The following USP25 variants were observed in gnomAD, a reference collection of about 807,000 sequenced individuals.
USP25 encodes the protein ubiquitin specific peptidase 25.
In USP25, 85 loss-of-function variants were observed where a neutral mutation model predicts 158.5. That is an observed-to-expected ratio of 0.54 (90% CI 0.45 to 0.64). USP25 has a LOEUF of 0.64. USP25 is among the 30% of genes least tolerant of loss of function. The probability of loss-of-function intolerance (pLI) is 0.00; values close to 1 mark genes in which losing one functional copy is unlikely to be tolerated. For synonymous variants in USP25, 464 were observed against 460.4 expected, an observed-to-expected ratio of 1.01 and a Z score of -0.10; for missense variants, 1,242 against 1,327.3, an observed-to-expected ratio of 0.94 and a Z score of 1.00.
intron 1 of USP25, among the ~76,000 whole-genome samples, chr21:15,753,701 A>AG (rs1412107278): frequency 6.9e-6 from 1 of 145,638 alleles, no homozygotes; most frequent in Non-Finnish European, 1.5e-5. Context: ...CCTGTATGAG[A>AG]GGGAAAAAAA....
At chr21:15,819,011 A>T (rs573292225) in intron 10 of USP25, among the ~76,000 whole-genome samples, 165 bp downstream of exon 10, 1 of 152,222 alleles carries the variant, frequency 6.6e-6, no homozygotes, top group Non-Finnish European at 1.5e-5. Flanking sequence ...AGACCTGTCC[A>T]GTCAATATGG....
chr21:15,746,476 C>A (rs1026379908), intron 1 of USP25, among the ~76,000 whole-genome samples: 1 of 152,026 alleles, frequency 6.6e-6, no homozygotes, highest in Non-Finnish European at 1.5e-5. Context: ...TTCACTGCAA[C>A]CGCCGCCTCC....
chr21:15,837,471 G>A (rs954473521), intron 17 of USP25, among the ~76,000 whole-genome samples: 1 of 152,130 alleles, frequency 6.6e-6, no homozygotes, highest in Admixed American at 6.5e-5. Context: ...CCTACCTAAG[G>A]CCACTTAAGA....
intron 10 of USP25, among the ~76,000 whole-genome samples, chr21:15,821,833 T>C (rs1273612674): frequency 1.3e-5 from 2 of 151,942 alleles, no homozygotes; most frequent in African/African-American, 2.4e-5. Flanking sequence ...AGGTATCTTA[T>C]ACACTTTAAT....
At chr21:15,811,246 G>A (rs2036646483) in intron 9 of USP25, 36 bp downstream of exon 9, 3 of 1,532,580 alleles carry the variant, frequency 2.0e-6, no homozygotes, top group Admixed American at 3.8e-5. Context: ...TGCAAGTGAA[G>A]AGAGATTATT....
At position 15,847,752 on chromosome 21, in the gene USP25, A is replaced by G. The variant is rs1401293622; in HGVS notation, c.2427A>G (p.Ser809=). The change falls in exon 19 of 26, where the codon TCA becomes TCG. Residue 809 remains serine (S), a synonymous_variant. Coordinates refer to ENST00000400183, the MANE Select transcript of USP25 (RefSeq NM_001283041.3). ...ATGTAGGGAAATTTATGATTGAATC[A>G]AAGGAGGGGGGGTATGATGACGAGG... ...IPHVGKFMIE[S]KEGGYDDEIM... 5.2e-6 allele frequency: 8 copies of G among 1,549,876 alleles called. No individual in the cohort carries two copies. The highest frequency in any genetic ancestry group is 6.1e-6 in the Non-Finnish European group (7 of 1,146,348).
At chr21:15,820,097 T>C (rs1299082075) in intron 10 of USP25, among the ~76,000 whole-genome samples, 1 of 152,050 alleles carries the variant, frequency 6.6e-6, no homozygotes, top group East Asian at 1.9e-4. Context: ...AAATTCAGCT[T>C]ATTTTATTGA....
intron 20 of USP25, among the ~76,000 whole-genome samples, chr21:15,857,075 A>G (rs565567646): frequency 6.6e-6 from 1 of 152,342 alleles, no homozygotes; most frequent in South Asian, 2.1e-4. Flanking sequence ...CCATAGTCCT[A>G]GGTTTAAATC....
chr21:15,814,022 G>A lies in USP25; in HGVS notation c.931+2812G>A, dbSNP rs544768971. Among the ~76,000 whole-genome samples the A allele has an allele frequency of 4.0e-5, 6 of 151,232 alleles. No homozygotes were observed. The South Asian group carries it at 8.4e-4, about 21-fold the overall frequency. ...TGAATTATGGGGGCTGGTCTTTCTC[G>A]TGCTATTCTTATGATAATGAATAAG... On this transcript the variant is annotated intron_variant, in intron 9 of 25. Coordinates refer to ENST00000400183, the MANE Select transcript of USP25 (RefSeq NM_001283041.3).
chr21:15,815,710 G>C (rs2036904252), intron 9 of USP25, among the ~76,000 whole-genome samples: 1 of 152,144 alleles, frequency 6.6e-6, no homozygotes, highest in African/African-American at 2.4e-5. Flanking sequence ...TACTCCAATT[G>C]TAACTCTTCT....
At chr21:15,764,193 TTTA>T (rs1406422249) in intron 2 of USP25, among the ~76,000 whole-genome samples, 1 of 152,148 alleles carries the variant, frequency 6.6e-6, no homozygotes, top group Middle Eastern at 3.2e-3. Flanking sequence ...CTAGTCCCTT[TTTA>T]TTCTGATAAA....
At chr21:15,756,226 G>C (rs187586497) in intron 1 of USP25, among the ~76,000 whole-genome samples, 1 of 152,046 alleles carries the variant, frequency 6.6e-6, no homozygotes, top group African/African-American at 2.4e-5. Flanking sequence ...AGACAATTTC[G>C]TTCCTTCTGG....
At chr21:15,842,683 A>G in intron 18 of USP25, 143 bp downstream of exon 18, 1 of 933,368 alleles carries the variant, frequency 1.1e-6, no homozygotes. Context: ...GACCATGGGC[A>G]AGTCATCTCA....
intron 21 of USP25, among the ~76,000 whole-genome samples, chr21:15,865,499 C>T (rs1255781124): frequency 6.6e-6 from 1 of 152,128 alleles, no homozygotes; most frequent in Non-Finnish European, 1.5e-5. Flanking sequence ...TGGTTGAATG[C>T]TCAGTGAATG....
intron 7 of USP25, among the ~76,000 whole-genome samples, chr21:15,806,363 G>T (rs1021078938): frequency 6.6e-6 from 1 of 150,570 alleles, no homozygotes; most frequent in Non-Finnish European, 1.5e-5. Context: ...TTTTTTAAAA[G>T]ATTACTTCTG....
intron 6 of USP25, among the ~76,000 whole-genome samples, chr21:15,802,526 G>A (rs1482180876): frequency 1.3e-5 from 2 of 151,546 alleles, no homozygotes; most frequent in East Asian, 3.9e-4. Flanking sequence ...TGGAAATGAA[G>A]TAATTCACCT....
At chr21:15,870,042 T>C in intron 22 of USP25, 26 bp from the exon 23 acceptor site, 1 of 1,547,014 alleles carries the variant, frequency 6.5e-7, no homozygotes, top group Non-Finnish European at 8.8e-7. Flanking sequence ...ACTCTGAACA[T>C]TTTTAATATT....
At chr21:15,815,264 A>G (rs901705838) in intron 9 of USP25, among the ~76,000 whole-genome samples, 1 of 152,202 alleles carries the variant, frequency 6.6e-6, no homozygotes, top group South Asian at 2.1e-4. Context: ...GAAGTTTGCT[A>G]CAGAGTTGGG....
chr21:15,768,153 C>T (rs1038268702), intron 3 of USP25, among the ~76,000 whole-genome samples: 6 of 151,958 alleles, frequency 3.9e-5, no homozygotes, highest in Non-Finnish European at 8.8e-5. Flanking sequence ...TCATCTCAAC[C>T]GATTGTCATA....
Sources: allele counts gnomAD v4.1 joint callset (sites outside exome capture counted in the v4.1 genomes callset), GRCh38; gene constraint gnomAD v4.1.1; transcripts MANE v1.5; gene names NCBI Gene and HGNC (gene_info 2026-07-23, HGNC 2026-07-21).